GPC6: variants seen among roughly 807,000 people sequenced by gnomAD.
The protein encoded by GPC6 is glypican-6.
In GPC6, 14 loss-of-function variants were observed where a neutral mutation model predicts 55.2. The observed-to-expected ratio is 0.25, with a 90% CI of 0.17 to 0.40. GPC6 has a LOEUF of 0.40. Among genes scored for constraint, GPC6 ranks in the 10% least tolerant of loss-of-function variants. The pLI, the probability that GPC6 is intolerant of heterozygous loss-of-function variation, is 1.00. For missense variants in GPC6, 641 were observed against 708.5 expected (o/e 0.90, Z 1.08); for synonymous variants, 278 against 259.6 (o/e 1.07, Z -0.68).
chr13:93,757,071 A>G (rs1174603337), intron 2 of GPC6, among the ~76,000 whole-genome samples: 1 of 152,170 alleles, frequency 6.6e-6, no homozygotes, highest in Non-Finnish European at 1.5e-5. Flanking sequence ...TATGACAGAT[A>G]CCTCTAATTA....
At chr13:93,493,976 A>G (rs9706960) in intron 1 of GPC6, among the ~76,000 whole-genome samples, 1 of 125,188 alleles carries the variant, frequency 8.0e-6, no homozygotes, top group Non-Finnish European at 1.7e-5. Flanking sequence ...GTGTGGTGTG[A>G]TGCTGAAAAA....
chr13:93,813,173 A>G (rs1403347577), intron 2 of GPC6, among the ~76,000 whole-genome samples: 10 of 152,178 alleles, frequency 6.6e-5, no homozygotes, highest in African/African-American at 2.4e-4. Flanking sequence ...ATATTACCAG[A>G]TAAATGAAAA....
At chr13:93,596,263 T>C (rs1011502786) in intron 2 of GPC6, among the ~76,000 whole-genome samples, 6 of 151,994 alleles carry the variant, frequency 3.9e-5, no homozygotes, top group Non-Finnish European at 8.8e-5. Flanking sequence ...AGAGTGTTCG[T>C]GTGCTGGAAA....
intron 1 of GPC6, among the ~76,000 whole-genome samples, chr13:93,430,330 T>A (rs1471245504): frequency 2.1e-5 from 3 of 141,516 alleles, no homozygotes; most frequent in African/African-American, 7.8e-5. Context: ...TATTATACTT[T>A]GAGCATTAGC....
chr13:93,225,354 T>C (rs887237214), upstream of GPC6, among the ~76,000 whole-genome samples: 7 of 152,198 alleles, frequency 4.6e-5, no homozygotes, highest in Admixed American at 4.6e-4. Context: ...GATTTCCGAC[T>C]TGAGGGAAAA....
At chr13:94,382,267 C>T (rs773581014) in intron 6 of GPC6, 147 bp from the exon 7 acceptor site, 3 of 793,484 alleles carry the variant, frequency 3.8e-6, no homozygotes, top group Non-Finnish European at 4.2e-6. Context: ...ATAAACCCTG[C>T]AGTGCAGTGT....
intron 3 of GPC6, among the ~76,000 whole-genome samples, chr13:93,906,426 A>G (rs934888669): frequency 1.3e-5 from 2 of 152,192 alleles, no homozygotes; most frequent in Non-Finnish European, 2.9e-5. Flanking sequence ...ATAAATGCTC[A>G]TGACAGTGTC....
chr13:93,295,597 C>T (rs973353965), intron 1 of GPC6, among the ~76,000 whole-genome samples: 2 of 152,074 alleles, frequency 1.3e-5, no homozygotes, highest in African/African-American at 4.8e-5. Flanking sequence ...TCTCCTGCCT[C>T]AGCCTCCCAA....
intron 1 of GPC6, among the ~76,000 whole-genome samples, chr13:93,380,846 G>T (rs556439271): frequency 6.6e-6 from 1 of 151,934 alleles, no homozygotes; most frequent in African/African-American, 2.4e-5. Flanking sequence ...CAATATTGGC[G>T]CACACATTTA....
chr13:93,238,187 C>T (rs1876303898), intron 1 of GPC6, among the ~76,000 whole-genome samples: 1 of 152,154 alleles, frequency 6.6e-6, no homozygotes, highest in South Asian at 2.1e-4. Context: ...TTGATTCTTC[C>T]AATCCATAAG....
At chr13:93,315,971 G>C (rs1335151617) in intron 1 of GPC6, among the ~76,000 whole-genome samples, 4 of 151,990 alleles carry the variant, frequency 2.6e-5, no homozygotes, top group African/African-American at 4.8e-5. Flanking sequence ...TATATGTGCT[G>C]TCTTTTGTTC....
chr13:93,767,916 T>G (rs1312197525), intron 2 of GPC6, among the ~76,000 whole-genome samples: 1 of 152,130 alleles, frequency 6.6e-6, no homozygotes, highest in Non-Finnish European at 1.5e-5. Flanking sequence ...AATTTAGTCG[T>G]TTTTCTTTTT....
In GPC6 at chr13:94,027,857, T is replaced by A; in HGVS notation, c.840T>A (p.Asn280Lys). 6.2e-7 allele frequency: 1 copy of A among 1,613,982 alleles called. No individual in the cohort carries two copies. The highest frequency in any genetic ancestry group is 8.5e-7 in the Non-Finnish European group (1 of 1,179,984). Residue 280 changes from asparagine to lysine, a missense_variant, in exon 4 of 9, where the codon AAT (asparagine) becomes AAA (lysine). Physicochemically the swap from Asn to Lys is moderately conservative, Grantham distance 94 (BLOSUM62 0). Transcript: ENST00000377047. Reference sequence around the variant, plus strand: ...ACGTCATGAAGGGCTGCTTGGCAAATCAGGCTGACCTCGACACAGAGTGGA... The same window carrying A: ...ACGTCATGAAGGGCTGCTTGGCAAAACAGGCTGACCTCGACACAGAGTGGA... ...CLNVMKGCLA[N>K]QADLDTEWNL...
At chr13:93,949,992 T>C (rs1344205380) in intron 3 of GPC6, among the ~76,000 whole-genome samples, 1 of 152,142 alleles carries the variant, frequency 6.6e-6, no homozygotes, top group Non-Finnish European at 1.5e-5. Flanking sequence ...CCTCCCAAAG[T>C]GGACTACAGA....
At chr13:93,270,505 T>G (rs535577550) in intron 1 of GPC6, among the ~76,000 whole-genome samples, 1 of 152,160 alleles carries the variant, frequency 6.6e-6, no homozygotes, top group East Asian at 1.9e-4. Flanking sequence ...ATTGTTTTAT[T>G]TCTGTATACC....
At chr13:93,339,329 T>C (rs566287187) in intron 1 of GPC6, among the ~76,000 whole-genome samples, 96 of 150,858 alleles carry the variant, frequency 6.4e-4, no homozygotes, top group African/African-American at 2.3e-3. Flanking sequence ...TGATCATGGC[T>C]CTCCTTCTCT....
chr13:93,354,685 A>AG (rs1314918491), intron 1 of GPC6, among the ~76,000 whole-genome samples: 9 of 132,962 alleles, frequency 6.8e-5, no homozygotes, highest in South Asian at 2.5e-4. Flanking sequence ...GATTTAAGGT[A>AG]GAAAAAAATC....
chr13:94,287,256 C>G (rs1465084969), intron 5 of GPC6, among the ~76,000 whole-genome samples: 1 of 152,182 alleles, frequency 6.6e-6, no homozygotes, highest in Non-Finnish European at 1.5e-5. Flanking sequence ...TCATGAAACA[C>G]TAACCAAATC....
intron 1 of GPC6, among the ~76,000 whole-genome samples, chr13:93,473,882 C>CT (rs1032987123): frequency 4.6e-5 from 7 of 152,246 alleles, no homozygotes; most frequent in Admixed American, 2.0e-4. Context: ...TAGGTCCCAC[C>CT]TGGCTATGTG....
Sources: gnomAD v4.1 joint callset for allele counts (sites outside exome capture counted in the v4.1 genomes callset) on GRCh38, gnomAD v4.1.1 for gene constraint, MANE v1.5 for transcripts, NCBI Gene and HGNC (gene_info 2026-07-23, HGNC 2026-07-21) for gene names.